Variants in COL22A1 observed in about 807,000 individuals in gnomAD.
The protein encoded by COL22A1 is collagen alpha-1(XXII) chain.
Under a neutral mutation model 248.9 loss-of-function variants are expected in COL22A1, and 221 were observed. The observed-to-expected ratio is 0.89, with a 90% CI of 0.80 to 0.99. The LOEUF is 0.99. Among genes scored for constraint, COL22A1 ranks in the 50% least tolerant of loss-of-function variants. The pLI is 0.00. For synonymous variants in COL22A1, 891 were observed against 793.4 expected, an observed-to-expected ratio of 1.12 and a Z score of -2.07; for missense variants, 2,240 against 2,179.0, an observed-to-expected ratio of 1.03 and a Z score of -0.56.
At chr8:138,874,213 C>T (rs755107132) in intron 3 of COL22A1, among the ~76,000 whole-genome samples, 2 of 152,224 alleles carry the variant, frequency 1.3e-5, no homozygotes, top group Non-Finnish European at 2.9e-5. Flanking sequence ...AAAACTGATT[C>T]CCTTTAGATG....
intron 3 of COL22A1, among the ~76,000 whole-genome samples, chr8:138,856,999 C>T (rs551811711): frequency 4.8e-4 from 73 of 152,228 alleles, no homozygotes; most frequent in African/African-American, 1.7e-3. Flanking sequence ...CTGTGCCTGC[C>T]CCTCTTTCTT....
chr8:138,728,999 C>T (rs935878435), intron 23 of COL22A1, among the ~76,000 whole-genome samples: 1 of 152,012 alleles, frequency 6.6e-6, no homozygotes, highest in African/African-American at 2.4e-5. Context: ...AAGCACAACC[C>T]GGGAGAGAGA....
intron 41 of COL22A1, among the ~76,000 whole-genome samples, chr8:138,675,188 C>T (rs1825413468): frequency 6.6e-6 from 1 of 152,068 alleles, no homozygotes; most frequent in Non-Finnish European, 1.5e-5. Flanking sequence ...GGTGTGGAAG[C>T]CAGGAGGCCT....
intron 16 of COL22A1, among the ~76,000 whole-genome samples, chr8:138,773,431 T>C (rs986396724): frequency 1.5e-4 from 23 of 152,172 alleles, no homozygotes; most frequent in African/African-American, 5.6e-4. Flanking sequence ...TCTGTGCTCC[T>C]GTCCTTTGGA....
intron 37 of COL22A1, among the ~76,000 whole-genome samples, chr8:138,687,730 A>G (rs1263539784): frequency 6.6e-6 from 1 of 152,224 alleles, no homozygotes; most frequent in East Asian, 1.9e-4. Context: ...CCCTCATTTT[A>G]CAGATGAGAA....
intron 9 of COL22A1, among the ~76,000 whole-genome samples, chr8:138,809,514 C>CTT (rs1200610157): frequency 1.7e-5 from 1 of 60,258 alleles, no homozygotes; most frequent in African/African-American, 5.4e-5. Context: ...TTCTTCTTCT[C>CTT]TTTTTTTCTT....
intron 3 of COL22A1, among the ~76,000 whole-genome samples, chr8:138,868,431 G>T (rs562225660): frequency 1.7e-4 from 26 of 152,274 alleles, no homozygotes; most frequent in African/African-American, 6.3e-4. Flanking sequence ...GTATGGTATT[G>T]CAGTTTCAGA....
intron 42 of COL22A1, among the ~76,000 whole-genome samples, chr8:138,663,320 TAC>T (rs1824156600): frequency 6.6e-6 from 1 of 152,184 alleles, no homozygotes; most frequent in Non-Finnish European, 1.5e-5. Flanking sequence ...CTGCCTATGT[TAC>T]AGATTAAGAG....
intron 45 of COL22A1, 78 bp downstream of exon 45, chr8:138,655,819 A>T: frequency 8.1e-7 from 1 of 1,227,248 alleles, no homozygotes; most frequent in Non-Finnish European, 1.2e-6. Flanking sequence ...TTCAAAAAAA[A>T]CCCCAACTTA....
rs773285089 is a variant in COL22A1 at position 138,685,211 on chromosome 8, C to T, written c.2964G>A (p.Glu988=). The T allele has an allele frequency of 1.2e-6, 2 of 1,608,034 alleles. No homozygotes were observed. The highest frequency in any genetic ancestry group is 1.7e-6 in the Non-Finnish European group (2 of 1,175,330). The part of the protein sequence containing the change: ...PGPPGKGKDG[E]PGLRGSPGLP... ...GGACCCCCGACCTTCCACTTACCGGCTCTCCATCCTTCCCTTTTCCGGGTG... is the reference window on the plus strand; with the variant it reads ...GGACCCCCGACCTTCCACTTACCGGTTCTCCATCCTTCCCTTTTCCGGGTG... Residue 988 remains glutamate, a synonymous_variant, in exon 38 of 65, where the codon GAG becomes GAA. Transcript: ENST00000303045.
intron 45 of COL22A1, 105 bp from the exon 46 acceptor site, chr8:138,649,883 G>A (rs766309738): frequency 2.9e-5 from 19 of 660,002 alleles, no homozygotes; most frequent in Non-Finnish European, 4.7e-5. Flanking sequence ...ATGGAGATTT[G>A]GTTTTTAAAT....
At chr8:138,608,048 A>G in intron 56 of COL22A1, 59 bp from the exon 57 acceptor site, 1 of 1,521,490 alleles carries the variant, frequency 6.6e-7, no homozygotes, top group Non-Finnish European at 9.1e-7. Flanking sequence ...GGACGGTGGA[A>G]CAAAGAGATA....
intron 41 of COL22A1, among the ~76,000 whole-genome samples, chr8:138,673,605 C>T (rs949737957): frequency 2.0e-5 from 3 of 152,136 alleles, no homozygotes; most frequent in African/African-American, 7.2e-5. Flanking sequence ...AGCCACAAAG[C>T]GAGGTGTTGC....
intron 7 of COL22A1, among the ~76,000 whole-genome samples, chr8:138,819,923 C>A (rs1255131070): frequency 6.6e-6 from 1 of 151,992 alleles, no homozygotes; most frequent in African/African-American, 2.4e-5. Flanking sequence ...GCTTAAAGGA[C>A]AGCTGTTGCT....
At chr8:138,597,298 G>A (rs574245622) in intron 61 of COL22A1, among the ~76,000 whole-genome samples, 13 of 152,090 alleles carry the variant, frequency 8.5e-5, no homozygotes, top group East Asian at 5.8e-4. Context: ...TCCCTTCTTC[G>A]CACTGGACCT....
intron 9 of COL22A1, 51 bp from the exon 10 acceptor site, chr8:138,807,863 T>C (rs752041759): frequency 3.2e-6 from 5 of 1,578,944 alleles, no homozygotes; most frequent in Non-Finnish European, 4.3e-6. Flanking sequence ...AATTTTCCCT[T>C]TCTCTCAACA....
intron 1 of COL22A1, among the ~76,000 whole-genome samples, chr8:138,897,484 G>A (rs1586992149): frequency 1.3e-5 from 2 of 152,104 alleles, no homozygotes; most frequent in South Asian, 4.2e-4. Flanking sequence ...AGGAGGCAGA[G>A]GTTGCAGTGA....
In COL22A1 at chr8:138,589,277, C is replaced by T. The variant is rs755759145; in HGVS notation, c.4857G>A (p.Arg1619=). Residue 1619 remains arginine, a synonymous_variant, in exon 65 of 65, where the codon CGG becomes CGA. Transcript: ENST00000303045. The stretch of plus-strand genomic sequence containing the variant: ...TTTAGGGACCCTTCACATTACCCGG[C>T]CGGGCAGCAAGGCTGGCGAAGTAGG... ...QCAYFASLAA[R]PGNVKGP is the part of the protein sequence containing the mutation. 6.2e-7 allele frequency: 1 copy of T among 1,613,810 alleles called. No homozygotes were observed. The highest frequency in any genetic ancestry group is 8.5e-7 in the Non-Finnish European group (1 of 1,179,870).
intron 4 of COL22A1, among the ~76,000 whole-genome samples, chr8:138,840,759 C>A (rs938865477): frequency 6.6e-6 from 1 of 151,986 alleles, no homozygotes; most frequent in Non-Finnish European, 1.5e-5. Context: ...GCACGCACCA[C>A]CATAGTTGGC....
Sources: allele counts gnomAD v4.1 joint callset (sites outside exome capture counted in the v4.1 genomes callset), GRCh38; gene constraint gnomAD v4.1.1; transcripts MANE v1.5; gene names NCBI Gene and HGNC (gene_info 2026-07-23, HGNC 2026-07-21).